KCNIP1: variants seen among roughly 807,000 people sequenced by gnomAD.
The protein encoded by KCNIP1 is A-type potassium channel modulatory protein KCNIP1.
KCNIP1 carries 18 observed loss-of-function variants against 33.0 expected under a neutral mutation model. The observed-to-expected ratio is 0.55, with a 90% CI of 0.38 to 0.81. The LOEUF (loss-of-function observed/expected upper bound fraction) is 0.81, where lower values mean the gene tolerates loss of function less well. KCNIP1 is among the 30% of genes least tolerant of loss of function. KCNIP1 has a pLI of 0.00. For missense variants in KCNIP1, 238 were observed against 271.6 expected, an observed-to-expected ratio of 0.88 and a Z score of 0.87; for synonymous variants, 93 against 98.3, an observed-to-expected ratio of 0.95 and a Z score of 0.32.
At chr5:170,365,333 G>A (rs1285970993) in intron 1 of KCNIP1, among the ~76,000 whole-genome samples, 1 of 152,084 alleles carries the variant, frequency 6.6e-6, no homozygotes, top group Non-Finnish European at 1.5e-5. Flanking sequence ...CCATTTCCAC[G>A]TCCGTCTGTC....
chr5:170,390,517 A>AAAAAAAAAAAATATATATATATATAT, intron 1 of KCNIP1, among the ~76,000 whole-genome samples: 4 of 74,538 alleles, frequency 5.4e-5, no homozygotes, highest in African/African-American at 1.3e-4. Flanking sequence ...AAAAAAAACA[A>AAAAAAAAAAAATATATATATATATAT]ATATATATAT....
chr5:170,512,529 G>A (rs781396500), intron 1 of KCNIP1, among the ~76,000 whole-genome samples: 22 of 152,202 alleles, frequency 1.4e-4, no homozygotes, highest in Non-Finnish European at 7.3e-5. Flanking sequence ...CATTGAGCAG[G>A]TTACCTCGCT....
intron 1 of KCNIP1, among the ~76,000 whole-genome samples, chr5:170,479,438 G>T (rs1467713213): frequency 6.6e-6 from 1 of 152,078 alleles, no homozygotes; most frequent in South Asian, 2.1e-4. Context: ...CTTCTTACAA[G>T]GATAGAGAAA....
intron 1 of KCNIP1, among the ~76,000 whole-genome samples, chr5:170,579,349 T>A (rs1430922906): frequency 1.3e-5 from 2 of 152,154 alleles, no homozygotes; most frequent in African/African-American, 4.8e-5. Flanking sequence ...ACCTGCATTT[T>A]AAAAAAATCA....
chr5:170,663,149 C>G (rs530382633), intron 1 of KCNIP1, among the ~76,000 whole-genome samples: 3 of 152,276 alleles, frequency 2.0e-5, no homozygotes, highest in Non-Finnish European at 2.9e-5. Context: ...TCAACGACTC[C>G]CAAGGGAATA....
At chr5:170,653,877 G>A (rs1481981997) in intron 1 of KCNIP1, among the ~76,000 whole-genome samples, 1 of 152,046 alleles carries the variant, frequency 6.6e-6, no homozygotes, top group Non-Finnish European at 1.5e-5. Flanking sequence ...TGGTGGCCAG[G>A]AGGAGCTCAT....
chr5:170,718,297 A>G (rs1341263996), intron 1 of KCNIP1, among the ~76,000 whole-genome samples: 1 of 152,188 alleles, frequency 6.6e-6, no homozygotes, highest in Non-Finnish European at 1.5e-5. Context: ...CTGCTAAATC[A>G]TGCTATCCAT....
chr5:170,390,517 A>AAATATATATATATAT, intron 1 of KCNIP1, among the ~76,000 whole-genome samples: 44 of 74,540 alleles, frequency 5.9e-4, no homozygotes, highest in South Asian at 8.8e-4. Flanking sequence ...AAAAAAAACA[A>AAATATATATATATAT]ATATATATAT....
At chr5:170,403,243 G>A (rs114766340) in intron 1 of KCNIP1, among the ~76,000 whole-genome samples, 58 of 152,298 alleles carry the variant, frequency 3.8e-4, no homozygotes, top group African/African-American at 1.3e-3. Context: ...GAAACTCCAC[G>A]TGGGCCAGAT....
chr5:170,730,863 A>T, intron 5 of KCNIP1, among the ~76,000 whole-genome samples: 1 of 152,188 alleles, frequency 6.6e-6, no homozygotes, highest in Admixed American at 6.5e-5. Context: ...TGCAGGAGTC[A>T]ACCTGAAGGA....
intron 6 of KCNIP1, among the ~76,000 whole-genome samples, chr5:170,733,557 T>C (rs373456722): frequency 2.0e-5 from 3 of 152,142 alleles, no homozygotes; most frequent in Admixed American, 2.0e-4. Flanking sequence ...GCAGGGAGTC[T>C]ACAGAAGAAG....
chr5:170,609,584 T>C (rs1759064917), intron 1 of KCNIP1, among the ~76,000 whole-genome samples: 1 of 152,150 alleles, frequency 6.6e-6, no homozygotes. Context: ...CTCACTCCTG[T>C]AATCTCAGCA....
intron 1 of KCNIP1, among the ~76,000 whole-genome samples, chr5:170,594,259 T>C (rs1160516224): frequency 1.3e-5 from 2 of 152,208 alleles, no homozygotes. Context: ...AAATCACATC[T>C]GCTGGGAATA....
intron 1 of KCNIP1, among the ~76,000 whole-genome samples, chr5:170,580,051 G>C (rs1318542246): frequency 6.6e-6 from 1 of 151,972 alleles, no homozygotes; most frequent in African/African-American, 2.4e-5. Context: ...AGCCTTCTCT[G>C]TTCTAAATTT....
chr5:170,367,349 A>AGGAAAGAAGGAAAGAAGGAAAGAAGG (rs372538602), intron 1 of KCNIP1, among the ~76,000 whole-genome samples: 4 of 76,940 alleles, frequency 5.2e-5, no homozygotes, highest in African/African-American at 2.3e-4. Flanking sequence ...GAAGGAAAGA[A>AGGAAAGAAGGAAAGAAGGAAAGAAGG]AAAGAAAGAA....
At chr5:170,503,753 CACACACACACAT>C (rs1754568251), upstream of KCNIP1, among the ~76,000 whole-genome samples, 7 of 136,220 alleles carry the variant, frequency 5.1e-5, no homozygotes, top group South Asian at 2.4e-4. Context: ...CACACACACA[CACACACACACAT>C]ACACACACAC....
intron 1 of KCNIP1, among the ~76,000 whole-genome samples, chr5:170,379,834 C>G: frequency 6.6e-6 from 1 of 151,964 alleles, no homozygotes; most frequent in Middle Eastern, 3.2e-3. Context: ...TACCTGTAGT[C>G]CCAGCTACAC....
chr5:170,595,218 G>A (rs1283023554), intron 1 of KCNIP1, among the ~76,000 whole-genome samples: 1 of 152,212 alleles, frequency 6.6e-6, no homozygotes, highest in Non-Finnish European at 1.5e-5. Flanking sequence ...TTTAAAAATG[G>A]AGGGCAGCGG....
At chr5:170,541,989 C>T (rs553444101) in intron 1 of KCNIP1, among the ~76,000 whole-genome samples, 2 of 152,206 alleles carry the variant, frequency 1.3e-5, no homozygotes, top group African/African-American at 4.8e-5. Context: ...ATATCATCTA[C>T]AGAGCAAGAT....
Sources: gnomAD v4.1 joint callset for allele counts (sites outside exome capture counted in the v4.1 genomes callset) on GRCh38, gnomAD v4.1.1 for gene constraint, MANE v1.5 for transcripts, NCBI Gene and HGNC (gene_info 2026-07-23, HGNC 2026-07-21) for gene names.